Variants in APOOL observed in about 807,000 individuals in gnomAD.
The protein encoded by APOOL is apolipoprotein O like, also known as MICOS complex subunit MIC27.
Under a neutral mutation model 23.1 loss-of-function variants are expected in APOOL, and 12 were observed. The observed-to-expected ratio is 0.52, with a 90% CI of 0.33 to 0.84. The LOEUF (loss-of-function observed/expected upper bound fraction) is 0.84, where lower values mean the gene tolerates loss of function less well. Among genes scored for constraint, APOOL ranks in the 40% least tolerant of loss-of-function variants. APOOL has a pLI of 0.02. For missense variants in APOOL, 212 were observed against 199.6 expected (o/e 1.06, Z -0.37); for synonymous variants, 77 against 69.9 (o/e 1.10, Z -0.51).
At chrX:85,041,887 C>T (rs923947648) in intron 1 of APOOL, among the ~76,000 whole-genome samples, 11 of 110,899 alleles carry the variant, frequency 9.9e-5, no homozygotes, top group Non-Finnish European at 2.1e-4. Flanking sequence ...CACTTTTCTG[C>T]TCTCTGTGGG....
At chrX:85,013,743 G>C (rs1271034413) in intron 1 of APOOL, among the ~76,000 whole-genome samples, 1 of 111,789 alleles carries the variant, frequency 8.9e-6, no homozygotes, top group Non-Finnish European at 1.9e-5. Flanking sequence ...CCTATCATGT[G>C]GTCTGTCTTG....
At chrX:85,027,281 C>T (rs1921876494) in intron 1 of APOOL, among the ~76,000 whole-genome samples, 1 of 111,458 alleles carries the variant, frequency 9.0e-6, no homozygotes, top group South Asian at 3.8e-4. Flanking sequence ...GTCGTGAAGA[C>T]AGCACCAAGC....
chrX:85,083,761 T>C (rs1325571813), intron 8 of APOOL, among the ~76,000 whole-genome samples: 2 of 111,973 alleles, frequency 1.8e-5, no homozygotes, highest in African/African-American at 6.5e-5. Flanking sequence ...ACTAACTTGC[T>C]TAAAATATCA....
At chrX:85,036,851 C>T (rs192970629) in intron 1 of APOOL, among the ~76,000 whole-genome samples, 1 of 110,646 alleles carries the variant, frequency 9.0e-6, no homozygotes, top group African/African-American at 3.3e-5. Flanking sequence ...TTGCATCCCT[C>T]TCATCCTTCC....
At chrX:85,076,964 T>C (rs1260895761) in intron 8 of APOOL, among the ~76,000 whole-genome samples, 1 of 39,154 alleles carries the variant, frequency 2.6e-5, no homozygotes, top group Non-Finnish European at 4.2e-5. Context: ...ACTCTGACTA[T>C]GTTTTTTTTT....
intron 3 of APOOL, 59 bp downstream of exon 3, chrX:85,051,567 C>T: frequency 8.5e-7 from 1 of 1,181,230 alleles, no homozygotes; most frequent in Non-Finnish European, 1.1e-6. Flanking sequence ...GTTCCAGTTA[C>T]CTACTGATGT....
At chrX:85,054,183 A>G (rs1922874785) in intron 3 of APOOL, among the ~76,000 whole-genome samples, 161 bp from the exon 4 acceptor site, 1 of 111,783 alleles carries the variant, frequency 8.9e-6, no homozygotes, top group Non-Finnish European at 1.9e-5. Flanking sequence ...AAAGCAGGAA[A>G]TGAAAACAAG....
intron 3 of APOOL, among the ~76,000 whole-genome samples, chrX:85,053,278 A>G (rs1421445683): frequency 9.0e-6 from 1 of 111,620 alleles, no homozygotes; most frequent in Non-Finnish European, 1.9e-5. Flanking sequence ...GTCAATAGGT[A>G]TTTTAACTTT....
intron 8 of APOOL, among the ~76,000 whole-genome samples, 164 bp from the exon 9 acceptor site, chrX:85,087,426 C>A (rs1320774635): frequency 9.0e-6 from 1 of 111,323 alleles, no homozygotes; most frequent in East Asian, 2.8e-4. Context: ...AGCACTTAAC[C>A]ACCATCTGAT....
At chrX:85,080,171 A>T (rs1924036395) in intron 8 of APOOL, among the ~76,000 whole-genome samples, 1 of 111,009 alleles carries the variant, frequency 9.0e-6, no homozygotes, top group Non-Finnish European at 1.9e-5. Context: ...TAGTTCTTTT[A>T]ATTGTGATGT....
chrX:85,067,537 T>G (rs1027608520), intron 6 of APOOL, among the ~76,000 whole-genome samples: 5 of 109,806 alleles, frequency 4.6e-5, no homozygotes, highest in African/African-American at 1.7e-4. Flanking sequence ...AAAAGAAGAT[T>G]AAAATGCTAG....
At chrX:85,070,791 C>T (rs1477162892) in intron 6 of APOOL, among the ~76,000 whole-genome samples, 2 of 107,955 alleles carry the variant, frequency 1.9e-5, no homozygotes, top group Non-Finnish European at 3.8e-5. Flanking sequence ...CTCCATTCTA[C>T]TCTCTGCTTC....
intron 1 of APOOL, among the ~76,000 whole-genome samples, chrX:85,036,889 G>T (rs1480377906): frequency 9.1e-6 from 1 of 109,965 alleles, no homozygotes; most frequent in Non-Finnish European, 1.9e-5. Flanking sequence ...CCATTATATT[G>T]TTATTATGTC....
intron 1 of APOOL, among the ~76,000 whole-genome samples, chrX:85,019,941 G>A (rs1044072117): frequency 8.9e-6 from 1 of 111,785 alleles, no homozygotes; most frequent in African/African-American, 3.3e-5. Context: ...GCCCCAGAGT[G>A]TAGAGTCTAG....
At chrX:85,061,512 G>A (rs1376279361) in intron 5 of APOOL, among the ~76,000 whole-genome samples, 1 of 111,953 alleles carries the variant, frequency 8.9e-6, no homozygotes, top group Admixed American at 9.5e-5. Context: ...ATCTGGTCCT[G>A]TACTTTTTTT....
In APOOL at chrX:85,046,573, T is replaced by C. The variant is rs369131192; in HGVS notation, c.120+23T>C. 8 of 1,100,856 alleles carry C rather than the reference T, an allele frequency of 7.3e-6. No individual in the cohort carries two copies. The African/African-American group carries it at 1.1e-4, about 15-fold the overall frequency. The allele number at this position is 1,100,856 out of a possible 1,213,427, so 90.7% of individuals were successfully genotyped here. On this transcript the variant is annotated intron_variant, in intron 2 of 8. Transcript: ENST00000373173. Reference sequence around the variant, plus strand: ...CAGGTAATTTGCCTACAAAGGTTTATGAACTTTGTATAATATCAAGATGAC... The same window carrying C: ...CAGGTAATTTGCCTACAAAGGTTTACGAACTTTGTATAATATCAAGATGAC...
At position 85,078,361 on chromosome X, in the gene APOOL, T is replaced by G. The variant is rs1223059675; in HGVS notation, c.718+3970T>G. On this transcript the variant is annotated intron_variant, in intron 8 of 8. Transcript: ENST00000373173. The stretch of plus-strand genomic sequence containing the variant: ...TTAAATAGGGAATCCTTTCCCCATT[T>G]CTTGTTTTTGTCAGGTTTGTCAAAG... Among the ~76,000 whole-genome samples, 19 of 111,573 alleles carry G rather than the reference T, an allele frequency of 1.7e-4. 1 individual carries two copies. Among genetic ancestry groups the G allele is most frequent in the African/African-American group, 4.9e-4 (15 of 30,696 alleles).
rs192855828 is a variant in APOOL, at chrX:85,086,042, A to T, written c.719-1548A>T. Among the ~76,000 whole-genome samples, 228 of 112,357 alleles carry T rather than the reference A, an allele frequency of 2.0e-3. 1 individual carries two copies. Among genetic ancestry groups the T allele is most frequent in the African/African-American group, 6.9e-3 (214 of 30,952 alleles). ...ATAGTATCTGCTTCATGGTGGGATT[A>T]TGAGATAATGCATGAAAATAACTTA... On this transcript the variant is annotated intron_variant, in intron 8 of 8. Coordinates refer to ENST00000373173, the MANE Select transcript of APOOL (RefSeq NM_198450.6).
At position 85,057,001 on chromosome X, in the gene APOOL, C is replaced by T. The variant is rs778476857; in HGVS notation, c.394+1076C>T. On this transcript the variant is annotated intron_variant, in intron 5 of 8. Transcript: ENST00000373173. ...CTAAATGGAATCATACATAGACTGGCTTCTTTCACTTAGATTATCAAGATT... is the reference window on the plus strand; with the variant it reads ...CTAAATGGAATCATACATAGACTGGTTTCTTTCACTTAGATTATCAAGATT... 1.3e-4 allele frequency among the ~76,000 whole-genome samples: 15 copies of T among 111,635 alleles called. No individual in the cohort carries two copies. The Admixed American group carries it at 1.4e-3, about 11-fold the overall frequency.
Sources: allele counts gnomAD v4.1 joint callset (sites outside exome capture counted in the v4.1 genomes callset), GRCh38; gene constraint gnomAD v4.1.1; transcripts MANE v1.5; gene names NCBI Gene and HGNC (gene_info 2026-07-23, HGNC 2026-07-21).